Variants in CRYL1 observed in about 807,000 individuals in gnomAD.
CRYL1 encodes crystallin lambda 1, also known as lambda-crystallin homolog.
CRYL1 carries 29 observed loss-of-function variants against 36.6 expected under a neutral mutation model. That is an observed-to-expected ratio of 0.79 (90% confidence interval 0.59 to 1.08). CRYL1 has a LOEUF of 1.08. CRYL1 is among the 50% of genes least tolerant of loss of function. The probability of loss-of-function intolerance (pLI) is 0.00; values close to 1 mark genes in which losing one functional copy is unlikely to be tolerated. For synonymous variants in CRYL1, 152 were observed against 151.5 expected, an observed-to-expected ratio of 1.00 and a Z score of -0.02; for missense variants, 411 against 407.9, an observed-to-expected ratio of 1.01 and a Z score of -0.06.
At chr13:20,410,321 G>A (rs951895395) in intron 6 of CRYL1, among the ~76,000 whole-genome samples, 1 of 147,554 alleles carries the variant, frequency 6.8e-6, no homozygotes, top group Non-Finnish European at 1.5e-5. Context: ...CTCATAGGTG[G>A]GAATTGAACA....
At chr13:20,412,914 C>T (rs1277473457) in intron 6 of CRYL1, among the ~76,000 whole-genome samples, 1 of 152,156 alleles carries the variant, frequency 6.6e-6, no homozygotes, top group African/African-American at 2.4e-5. Context: ...TTAAGTCAGT[C>T]CCCTATCTTT....
At chr13:20,429,101 G>T (rs1331026037) in intron 5 of CRYL1, among the ~76,000 whole-genome samples, 2 of 152,180 alleles carry the variant, frequency 1.3e-5, no homozygotes, top group East Asian at 3.8e-4. Context: ...CAAGGCTCAG[G>T]AGCCAGGCAC....
In CRYL1 at chr13:20,460,563, T is replaced by C. The variant is rs868745706; in HGVS notation, c.277-20809A>G. ...TTTTTTGAGACGGAGTCTCGCTCTG[T>C]CGCCCAGGCTGGAGTGCAGTGGCGC... On this transcript the variant is annotated intron_variant, in intron 3 of 7. Transcript: ENST00000298248. Among the ~76,000 whole-genome samples the C allele has an allele frequency of 1.3e-3, 165 of 125,246 alleles. 1 individual carries two copies. The highest frequency in any genetic ancestry group is 5.1e-3 in the African/African-American group (160 of 31,642). 82.2% of individuals were successfully genotyped at this position (125,246 alleles called of 152,430 possible). A position where few individuals can be genotyped will look rare whatever the true frequency, so the allele number is the denominator to read the frequency against.
At chr13:20,452,982 C>G (rs938453082) in intron 3 of CRYL1, among the ~76,000 whole-genome samples, 1 of 152,046 alleles carries the variant, frequency 6.6e-6, no homozygotes, top group African/African-American at 2.4e-5. Flanking sequence ...AATGTAAAAA[C>G]AGAATTGAAA....
chr13:20,511,190 T>A (rs945957141), intron 2 of CRYL1, among the ~76,000 whole-genome samples: 1 of 152,050 alleles, frequency 6.6e-6, no homozygotes, highest in Non-Finnish European at 1.5e-5. Flanking sequence ...GCTCAAGCAA[T>A]CCTTCTGCCT....
At chr13:20,440,149 C>T (rs955281349) in intron 3 of CRYL1, among the ~76,000 whole-genome samples, 1 of 152,226 alleles carries the variant, frequency 6.6e-6, no homozygotes, top group African/African-American at 2.4e-5. Flanking sequence ...CCCCTTTGTC[C>T]TGTCATACCT....
At chr13:20,410,442 G>C (rs2031489501) in intron 6 of CRYL1, among the ~76,000 whole-genome samples, 2 of 150,212 alleles carry the variant, frequency 1.3e-5, no homozygotes, top group African/African-American at 4.9e-5. Flanking sequence ...TAGATGACGA[G>C]TTAGTGGGTG....
Position 20,481,492 on chromosome 13 carries a change from G to A in CRYL1, c.276+7878C>T, listed in dbSNP as rs1381306036. 1.3e-5 allele frequency among the ~76,000 whole-genome samples: 2 copies of A among 152,176 alleles called. No individual in the cohort carries two copies. Among genetic ancestry groups the A allele is most frequent in the Non-Finnish European group, 2.9e-5 (2 of 68,042 alleles). ...AGGCTCTATGCTCTGAACCCCAGCT[G>A]TGACGCTGATTTCATACGTGACTGT... On this transcript the variant is annotated intron_variant, in intron 3 of 7. Transcript: ENST00000298248. The surrounding 1 kb of genome is among the most constrained non-coding windows in gnomAD (Gnocchi z 4.1).
intron 4 of CRYL1, chr13:20,433,721 A>G (rs1265569675): frequency 6.5e-6 from 1 of 154,434 alleles, no homozygotes; most frequent in Admixed American, 6.5e-5. Context: ...TATTTTATAT[A>G]AAGCAGGCAT....
intron 6 of CRYL1, among the ~76,000 whole-genome samples, chr13:20,408,384 A>G (rs151271964): frequency 6.6e-6 from 1 of 152,196 alleles, no homozygotes; most frequent in Non-Finnish European, 1.5e-5. Context: ...GTAAATAAAC[A>G]TCCACTTCCC....
chr13:20,419,928 G>A (rs767135257), intron 5 of CRYL1, among the ~76,000 whole-genome samples: 6 of 152,168 alleles, frequency 3.9e-5, no homozygotes, highest in Non-Finnish European at 5.9e-5. Context: ...TCCCACCCAC[G>A]CCACCTTCCA....
chr13:20,423,578 G>A (rs1260832073), intron 5 of CRYL1, among the ~76,000 whole-genome samples: 4 of 152,050 alleles, frequency 2.6e-5, no homozygotes, highest in African/African-American at 4.8e-5. Flanking sequence ...TTTGCCTATG[G>A]TAAAGTATCT....
At chr13:20,506,335 C>T (rs2033795294) in intron 2 of CRYL1, among the ~76,000 whole-genome samples, 1 of 152,126 alleles carries the variant, frequency 6.6e-6, no homozygotes, top group Non-Finnish European at 1.5e-5. Flanking sequence ...CCCTTAAAAT[C>T]CTAGGTACAT....
rs564707435 is a variant in CRYL1 at position 20,450,719 on chromosome 13, C to G, written c.277-10965G>C. 2.6e-5 allele frequency among the ~76,000 whole-genome samples: 4 copies of G among 152,128 alleles called. No homozygotes were observed. In the South Asian group the frequency reaches 8.3e-4, roughly 32 times the overall value. On this transcript the variant is annotated intron_variant, in intron 3 of 7. Transcript: ENST00000298248. The stretch of plus-strand genomic sequence containing the variant: ...AGCCATCCCATTACTGGATATATAC[C>G]CAAAGGATTATAAATCATGCTGCTA...
intron 5 of CRYL1, among the ~76,000 whole-genome samples, chr13:20,419,637 A>G (rs998033944): frequency 4.0e-5 from 6 of 151,732 alleles, no homozygotes; most frequent in Non-Finnish European, 8.8e-5. Context: ...TGTTGGTCAG[A>G]CTGGTCTCAA....
chr13:20,482,951 A>C (rs1200153424), intron 3 of CRYL1, among the ~76,000 whole-genome samples: 2 of 152,188 alleles, frequency 1.3e-5, no homozygotes, highest in Non-Finnish European at 1.5e-5. Flanking sequence ...AGAAAGGCGA[A>C]GATCCCATGT....
chr13:20,481,299 C>CA lies in CRYL1; in HGVS notation c.276+8070dup, dbSNP rs1316099805. Among the ~76,000 whole-genome samples the CA allele has an allele frequency of 6.6e-6, 1 of 152,198 alleles. No individual in the cohort carries two copies. Among genetic ancestry groups the CA allele is most frequent in the East Asian group, 1.9e-4 (1 of 5,202 alleles). Reference sequence around the variant, plus strand: ...ATCAACACAACCACACAAGCCACGTCAAATTCATTTTACTCTGTGAAAGAA... The same window carrying CA: ...ATCAACACAACCACACAAGCCACGTCAAAATTCATTTTACTCTGTGAAAGAA... On this transcript the variant is annotated intron_variant, in intron 3 of 7. Coordinates refer to ENST00000298248, the MANE Select transcript of CRYL1 (RefSeq NM_015974.3). The surrounding 1 kb of genome is among the most constrained non-coding windows in gnomAD (Gnocchi z 4.1).
At chr13:20,439,514 C>CAAAAAAAAAAAAAAAGAAAAAAAAAAA in intron 4 of CRYL1, 79 bp downstream of exon 4, 1 of 330,902 alleles carries the variant, frequency 3.0e-6, no homozygotes, top group Non-Finnish European at 4.6e-6. Flanking sequence ...CCCTCCCCCG[C>CAAAAAAAAAAAAAAAGAAAAAAAAAAA]AAAAAAAAAA....
intron 3 of CRYL1, among the ~76,000 whole-genome samples, chr13:20,466,085 C>A (rs1409987814): frequency 6.6e-6 from 1 of 152,172 alleles, no homozygotes; most frequent in African/African-American, 2.4e-5. Context: ...ATGCCAACAC[C>A]ATGCTTCTTG....
Sources: allele counts gnomAD v4.1 joint callset (sites outside exome capture counted in the v4.1 genomes callset), GRCh38; gene constraint gnomAD v4.1.1; non-coding constraint Gnocchi (gnomAD v3.1); transcripts MANE v1.5; gene names NCBI Gene and HGNC (gene_info 2026-07-23, HGNC 2026-07-21).